Variants in CTNNA3 observed in about 807,000 individuals in gnomAD.
CTNNA3 encodes catenin alpha-3.
In CTNNA3, 76 loss-of-function variants were observed where a neutral mutation model predicts 95.7. The ratio of observed to expected loss-of-function variants is 0.79; its 90% CI spans 0.66 to 0.96. CTNNA3 has a LOEUF of 0.96. CTNNA3 is among the 40% of genes least tolerant of loss of function. The probability of loss-of-function intolerance (pLI) is 0.00; values close to 1 mark genes in which losing one functional copy is unlikely to be tolerated. For synonymous variants in CTNNA3, 431 were observed against 374.4 expected, an observed-to-expected ratio of 1.15 and a Z score of -1.74; for missense variants, 1,191 against 1,089.8, an observed-to-expected ratio of 1.09 and a Z score of -1.31.
At chr10:66,716,246 G>A (rs1453441631) in intron 9 of CTNNA3, among the ~76,000 whole-genome samples, 1 of 151,982 alleles carries the variant, frequency 6.6e-6, no homozygotes, top group East Asian at 1.9e-4. Context: ...AATGAAACAT[G>A]AACAGATACA....
intron 13 of CTNNA3, among the ~76,000 whole-genome samples, chr10:66,144,830 T>G (rs1462288418): frequency 1.3e-5 from 2 of 152,206 alleles, no homozygotes; most frequent in African/African-American, 4.8e-5. Flanking sequence ...TGTCAGTTAA[T>G]GCTATATAAA....
intron 11 of CTNNA3, among the ~76,000 whole-genome samples, chr10:66,502,775 A>G (rs1911344): frequency 0.15 from 23,163 of 152,066 alleles, 1,842 homozygotes; most frequent in Middle Eastern, 0.17. Context: ...CCTTATGAAT[A>G]TGTGCACAAG....
intron 5 of CTNNA3, among the ~76,000 whole-genome samples, chr10:67,386,634 T>A (rs1432540273): frequency 1.3e-5 from 2 of 152,176 alleles, no homozygotes; most frequent in Non-Finnish European, 2.9e-5. Flanking sequence ...AAGATCATCT[T>A]AAAGGAAAAA....
rs552607436 is a variant in CTNNA3 at position 65,917,723 on chromosome 10, A to G, written c.*2607T>C. 8 of 152,342 alleles carry G rather than the reference A, an allele frequency of 5.3e-5. No individual in the cohort carries two copies. Among genetic ancestry groups the G allele is most frequent in the Non-Finnish European group, 8.8e-5 (6 of 68,024 alleles). The allele number at this position is 152,342 out of a possible 1,614,324, so 9.4% of individuals were successfully genotyped here. On this transcript the variant is annotated 3_prime_UTR_variant, in exon 18 of 18. Transcript: ENST00000433211. ...CAAAAGGTACATAGGTGGATCACCA[A>G]ATTATCACTCTCATTAAGAAATTTC... is the stretch of plus-strand genomic sequence containing the variant.
At chr10:67,145,747 C>T (rs530545025) in intron 7 of CTNNA3, among the ~76,000 whole-genome samples, 13 of 152,016 alleles carry the variant, frequency 8.6e-5, no homozygotes, top group South Asian at 4.1e-4. Context: ...TTTTTTCATA[C>T]GGTATCTATT....
chr10:66,292,620 G>T (rs1416165640), intron 12 of CTNNA3, among the ~76,000 whole-genome samples: 1 of 152,126 alleles, frequency 6.6e-6, no homozygotes, highest in African/African-American at 2.4e-5. Context: ...GATGGACAAA[G>T]CTCTGAAGTT....
chr10:66,995,162 A>C (rs1324676646), intron 7 of CTNNA3, among the ~76,000 whole-genome samples: 1 of 152,166 alleles, frequency 6.6e-6, no homozygotes, highest in African/African-American at 2.4e-5. Context: ...CATAATCTCA[A>C]ACATAACCCA....
At chr10:66,995,882 T>G (rs1589568063) in intron 7 of CTNNA3, among the ~76,000 whole-genome samples, 1 of 152,334 alleles carries the variant, frequency 6.6e-6, no homozygotes, top group East Asian at 1.9e-4. Flanking sequence ...TTCATAAATC[T>G]AATAAGAACT....
intron 9 of CTNNA3, among the ~76,000 whole-genome samples, chr10:66,714,112 A>T (rs897570664): frequency 6.6e-6 from 1 of 152,114 alleles, no homozygotes; most frequent in Non-Finnish European, 1.5e-5. Context: ...AAATGATCGA[A>T]TCGTGATGGT....
chr10:66,629,497 T>C (rs1845058636), intron 9 of CTNNA3, among the ~76,000 whole-genome samples: 1 of 152,176 alleles, frequency 6.6e-6, no homozygotes, highest in South Asian at 2.1e-4. Flanking sequence ...CTACCCTAGT[T>C]AAGATTTTGA....
At chr10:67,516,124 G>A (rs887098197) in intron 5 of CTNNA3, among the ~76,000 whole-genome samples, 8 of 151,862 alleles carry the variant, frequency 5.3e-5, no homozygotes, top group Non-Finnish European at 1.2e-4. Context: ...CACCATGCCC[G>A]GCTAATTTTT....
intron 5 of CTNNA3, among the ~76,000 whole-genome samples, chr10:67,448,579 C>A (rs1032021463): frequency 6.6e-6 from 1 of 151,638 alleles, no homozygotes; most frequent in Non-Finnish European, 1.5e-5. Context: ...TAAAACATAT[C>A]ATTTAATAAA....
At chr10:66,263,437 A>G (rs2091065086) in intron 13 of CTNNA3, among the ~76,000 whole-genome samples, 1 of 152,050 alleles carries the variant, frequency 6.6e-6, no homozygotes, top group Non-Finnish European at 1.5e-5. Context: ...TACTGTTTAC[A>G]ATTGTGTCAC....
At chr10:66,197,336 CTCTATCTATCTA>C (rs200815679) in intron 13 of CTNNA3, among the ~76,000 whole-genome samples, 4,170 of 148,146 alleles carry the variant, frequency 0.028, 192 homozygotes, top group African/African-American at 0.095. Flanking sequence ...CAATCCAAAT[CTCTATCTATCTA>C]TCTATCTATC....
chr10:67,647,631 T>C (rs1839758168), intron 1 of CTNNA3, 113 bp from the exon 2 acceptor site: 2 of 750,556 alleles, frequency 2.7e-6, no homozygotes, highest in Admixed American at 2.3e-5. Flanking sequence ...CTTCCTGATA[T>C]CAACCATAGC....
At chr10:66,477,799 C>T (rs575640873) in intron 11 of CTNNA3, among the ~76,000 whole-genome samples, 7 of 152,120 alleles carry the variant, frequency 4.6e-5, no homozygotes, top group African/African-American at 1.7e-4. Flanking sequence ...ATGGGCAATT[C>T]TCAACCAGGA....
Position 65,918,553 on chromosome 10 carries a change from C to T in CTNNA3, c.*1777G>A, listed in dbSNP as rs2077034597. 6.6e-6 allele frequency: 1 copy of T among 152,058 alleles called. No individual in the cohort carries two copies. 9.4% of individuals were successfully genotyped at this position (152,058 alleles called of 1,614,324 possible). A position where few individuals can be genotyped will look rare whatever the true frequency, so the allele number is the denominator to read the frequency against. On this transcript the variant is annotated 3_prime_UTR_variant, in exon 18 of 18. Coordinates refer to ENST00000433211, the MANE Select transcript of CTNNA3 (RefSeq NM_013266.4). Reference sequence around the variant, plus strand: ...TCTAGATAATTCTGAAAAACAGAGTCATCTGAATTCCCTAATTCCCTTCTT... The same window carrying T: ...TCTAGATAATTCTGAAAAACAGAGTTATCTGAATTCCCTAATTCCCTTCTT...
At chr10:66,969,042 A>C (rs906124086) in intron 7 of CTNNA3, among the ~76,000 whole-genome samples, 3 of 151,876 alleles carry the variant, frequency 2.0e-5, no homozygotes, top group Non-Finnish European at 2.9e-5. Context: ...ATAAACAAAT[A>C]TTATATGTAA....
intron 7 of CTNNA3, among the ~76,000 whole-genome samples, chr10:67,159,170 G>A (rs1284784846): frequency 1.3e-5 from 2 of 152,166 alleles, no homozygotes; most frequent in East Asian, 1.9e-4. Context: ...CTCTCTGACC[G>A]CCAGCGCATG....
Sources: allele counts gnomAD v4.1 joint callset (sites outside exome capture counted in the v4.1 genomes callset), GRCh38; gene constraint gnomAD v4.1.1; transcripts MANE v1.5; gene names NCBI Gene and HGNC (gene_info 2026-07-23, HGNC 2026-07-21).